Variants in DENND5B observed in about 807,000 individuals in gnomAD.
DENND5B encodes DENN domain containing 5B.
Under a neutral mutation model 140.6 loss-of-function variants are expected in DENND5B, and 34 were observed. That is an observed-to-expected ratio of 0.24 (90% CI 0.18 to 0.32). The LOEUF is 0.32. Ranked by LOEUF, DENND5B falls within the 10% of genes least tolerant of loss-of-function variation. DENND5B has a pLI of 1.00. For missense variants in DENND5B, 1,142 were observed against 1,560.2 expected (o/e 0.73, Z 4.52); for synonymous variants, 551 against 562.1 (o/e 0.98, Z 0.28).
intron 13 of DENND5B, 97 bp from the exon 14 acceptor site, chr12:31,409,481 T>C: frequency 8.0e-7 from 1 of 1,248,454 alleles, no homozygotes. Context: ...TGTCTTTTTT[T>C]TTTTTTTTTT....
chr12:31,435,809 C>T (rs1236731157), intron 7 of DENND5B, among the ~76,000 whole-genome samples: 6 of 151,636 alleles, frequency 4.0e-5, no homozygotes, highest in African/African-American at 1.5e-4. Flanking sequence ...CACAGGTGCA[C>T]ACCACCACAC....
intron 2 of DENND5B, among the ~76,000 whole-genome samples, chr12:31,494,219 CCT>C (rs72176383): frequency 0.35 from 27,105 of 78,228 alleles, 3,527 homozygotes; most frequent in Admixed American, 0.38. Flanking sequence ...TACCTACCTA[CCT>C]CTACCTACCT....
At chr12:31,451,048 G>A (rs1409994390) in intron 5 of DENND5B, among the ~76,000 whole-genome samples, 1 of 152,070 alleles carries the variant, frequency 6.6e-6, no homozygotes, top group African/African-American at 2.4e-5. Flanking sequence ...ACTTAATTTA[G>A]TCACTCTTTT....
At chr12:31,569,587 T>A (rs948298408) in intron 1 of DENND5B, among the ~76,000 whole-genome samples, 6 of 152,120 alleles carry the variant, frequency 3.9e-5, no homozygotes, top group African/African-American at 1.4e-4. Context: ...GGCAGGCAGA[T>A]CACTTGAGGC....
At chr12:31,547,278 T>G (rs772169498) in intron 1 of DENND5B, among the ~76,000 whole-genome samples, 13 of 152,242 alleles carry the variant, frequency 8.5e-5, no homozygotes, top group Non-Finnish European at 1.5e-5. Flanking sequence ...TAATTATCAA[T>G]AGTTTACTAT....
rs114334576 is a variant in DENND5B at position 31,409,014 on chromosome 12, C to A, written c.2803+249G>T. ...CCTTTGTTCAGTCATGGGATGCTGG[C>A]TGGAACTGACAGAAGGTATCATCTC... is the stretch of plus-strand genomic sequence containing the variant. On this transcript the variant is annotated intron_variant, in intron 14 of 20. Transcript: ENST00000389082. 1.5e-3 allele frequency among the ~76,000 whole-genome samples: 229 copies of A among 152,306 alleles called. 2 individuals are homozygous for A. The highest frequency in any genetic ancestry group is 5.1e-3 in the African/African-American group (214 of 41,574).
chr12:31,394,405 C>T (rs1217421830), intron 17 of DENND5B, among the ~76,000 whole-genome samples: 3 of 151,946 alleles, frequency 2.0e-5, no homozygotes, highest in Non-Finnish European at 4.4e-5. Flanking sequence ...TCAGATAATA[C>T]CCCCATGAAA....
intron 1 of DENND5B, among the ~76,000 whole-genome samples, chr12:31,513,008 A>T (rs1341140562): frequency 6.6e-6 from 1 of 152,180 alleles, no homozygotes; most frequent in Non-Finnish European, 1.5e-5. Context: ...ACCACATTAG[A>T]GCAGTCAAGC....
chr12:31,538,809 T>C (rs986911467), intron 1 of DENND5B, among the ~76,000 whole-genome samples: 4 of 151,930 alleles, frequency 2.6e-5, no homozygotes, highest in Non-Finnish European at 5.9e-5. Context: ...GTGGAGGTTG[T>C]AGTGAGCCGA....
chr12:31,392,871 C>A (rs1408237909), intron 17 of DENND5B, among the ~76,000 whole-genome samples, 175 bp from the exon 18 acceptor site: 2 of 152,162 alleles, frequency 1.3e-5, no homozygotes, highest in African/African-American at 4.8e-5. Context: ...AGCATCCTGG[C>A]AAAATGGAAA....
At chr12:31,412,472 T>C (rs1942512369) in intron 13 of DENND5B, among the ~76,000 whole-genome samples, 1 of 151,752 alleles carries the variant, frequency 6.6e-6, no homozygotes, top group African/African-American at 2.4e-5. Context: ...GTCATTAGAG[T>C]CTCATAAGGA....
rs369501312 is a variant in DENND5B, at chr12:31,437,929, T to C, written c.2013-4681A>G. ...CATAATATCACATTTTAACATTCCATGGTGATGCGATTCTGAGTGGTTAAA... is the reference window on the plus strand; with the variant it reads ...CATAATATCACATTTTAACATTCCACGGTGATGCGATTCTGAGTGGTTAAA... On this transcript the variant is annotated intron_variant, in intron 7 of 20. Coordinates refer to ENST00000389082, the MANE Select transcript of DENND5B (RefSeq NM_144973.4). 3.3e-5 allele frequency among the ~76,000 whole-genome samples: 5 copies of C among 152,356 alleles called. No individual in the cohort carries two copies. The East Asian group carries it at 9.6e-4, about 29-fold the overall frequency.
At chr12:31,434,023 AGT>A (rs1363623365) in intron 7 of DENND5B, among the ~76,000 whole-genome samples, 2 of 152,148 alleles carry the variant, frequency 1.3e-5, no homozygotes, top group Non-Finnish European at 2.9e-5. Context: ...AACTCATAAG[AGT>A]GAGTCCTCAT....
intron 3 of DENND5B, chr12:31,465,597 C>T (rs1039852663): frequency 1.3e-5 from 2 of 152,310 alleles, no homozygotes; most frequent in Admixed American, 6.5e-5. Flanking sequence ...AAACTCCCGA[C>T]CTCAAGTAAT....
intron 19 of DENND5B, among the ~76,000 whole-genome samples, chr12:31,391,369 C>T (rs1941132456): frequency 6.6e-6 from 1 of 152,202 alleles, no homozygotes; most frequent in African/African-American, 2.4e-5. Flanking sequence ...TAAAACCACC[C>T]CATTTGAAAG....
rs1472036869 is a variant in DENND5B at position 31,478,403 on chromosome 12, G to GT, written c.904+1185dup. 2.0e-5 allele frequency among the ~76,000 whole-genome samples: 3 copies of GT among 152,310 alleles called. No homozygotes were observed. The East Asian group carries it at 5.8e-4, about 29-fold the overall frequency. Reference sequence around the variant, plus strand: ...TACAATTCTGCCAGCTTAAATACAAGTTAGCAAAATGCTAACCCCAGTTGG... The same window carrying GT: ...TACAATTCTGCCAGCTTAAATACAAGTTTAGCAAAATGCTAACCCCAGTTGG... On this transcript the variant is annotated intron_variant, in intron 3 of 20. Coordinates refer to ENST00000389082, the MANE Select transcript of DENND5B (RefSeq NM_144973.4).
intron 1 of DENND5B, among the ~76,000 whole-genome samples, chr12:31,521,968 T>A (rs1435457037): frequency 6.6e-6 from 1 of 152,242 alleles, no homozygotes; most frequent in African/African-American, 2.4e-5. Flanking sequence ...AATACAAATT[T>A]ATATTTGGCC....
At chr12:31,527,506 G>A (rs10771843) in intron 1 of DENND5B, among the ~76,000 whole-genome samples, 86,877 of 152,008 alleles carry the variant, frequency 0.57, 25,302 homozygotes, top group East Asian at 0.82. Context: ...CAGGCTGGGC[G>A]TGGTGGCTCA....
At chr12:31,464,704 C>G (rs1945177202) in intron 3 of DENND5B, among the ~76,000 whole-genome samples, 1 of 151,928 alleles carries the variant, frequency 6.6e-6, no homozygotes, top group African/African-American at 2.4e-5. Context: ...TGGATTACAG[C>G]TGTGCACCAC....
Sources: allele counts gnomAD v4.1 joint callset (sites outside exome capture counted in the v4.1 genomes callset), GRCh38; gene constraint gnomAD v4.1.1; transcripts MANE v1.5; gene names NCBI Gene and HGNC (gene_info 2026-07-23, HGNC 2026-07-21).